CSRNP2: variants seen among roughly 807,000 people sequenced by gnomAD.
CSRNP2 encodes cysteine/serine-rich nuclear protein 2.
A neutral mutation model predicts 36.6 loss-of-function variants in CSRNP2; 11 were observed. The ratio of observed to expected loss-of-function variants is 0.30; its 90% CI spans 0.19 to 0.50. The LOEUF is 0.50. Among genes scored for constraint, CSRNP2 ranks in the 20% least tolerant of loss-of-function variants. The pLI, the probability that CSRNP2 is intolerant of heterozygous loss-of-function variation, is 0.98. For missense variants in CSRNP2, 483 were observed against 691.4 expected, an observed-to-expected ratio of 0.70 and a Z score of 3.38; for synonymous variants, 248 against 275.3, an observed-to-expected ratio of 0.90 and a Z score of 0.98.
chr12:51,072,630 C>A (rs1939222947), intron 3 of CSRNP2, among the ~76,000 whole-genome samples: 1 of 31,978 alleles, frequency 3.1e-5, no homozygotes. Flanking sequence ...GGGTCTTTTC[C>A]CAGCCTCTCT....
chr12:51,072,772 G>A (rs1257616103), intron 3 of CSRNP2, among the ~76,000 whole-genome samples: 1 of 152,144 alleles, frequency 6.6e-6, no homozygotes, highest in Non-Finnish European at 1.5e-5. Flanking sequence ...GAAACAGCAG[G>A]ATCCTTTCAG....
At chr12:51,070,366 C>G (rs1448133858) in intron 3 of CSRNP2, among the ~76,000 whole-genome samples, 1 of 152,150 alleles carries the variant, frequency 6.6e-6, no homozygotes, top group African/African-American at 2.4e-5. Context: ...GATTTCGGTA[C>G]TAGGCAGGCC....
At position 51,067,546 on chromosome 12, in the gene CSRNP2, G is replaced by A; in HGVS notation, c.708+127C>T. On this transcript the variant is annotated intron_variant, in intron 4 of 4. Transcript: ENST00000228515. This position sits in a 1 kb window ranked among gnomAD's most constrained non-coding sequence, Gnocchi z 4.1. ...TACTCTGTTGACGGAGGAGGGTTGT[G>A]GAACTGGAGAGTGTTCACAACCATA... 1 of 854,462 alleles carries A rather than the reference G, an allele frequency of 1.2e-6. No individual in the cohort carries two copies. Among genetic ancestry groups the A allele is most frequent in the African/African-American group, 1.7e-5 (1 of 59,712 alleles). 52.9% of individuals were successfully genotyped at this position (854,462 alleles called of 1,614,324 possible).
At chr12:51,069,817 C>T (rs374835273) in intron 3 of CSRNP2, among the ~76,000 whole-genome samples, 5 of 151,688 alleles carry the variant, frequency 3.3e-5, no homozygotes, top group East Asian at 1.9e-4. Context: ...CTTAGCCTCC[C>T]GAGTAGTTGG....
chr12:51,081,849 CAA>C (rs1491499738), intron 1 of CSRNP2, among the ~76,000 whole-genome samples: 21 of 150,762 alleles, frequency 1.4e-4, no homozygotes, highest in Middle Eastern at 3.2e-3. Context: ...ACAACAACAA[CAA>C]AAAAAAACAG....
In CSRNP2 at chr12:51,064,587, C is replaced by T. The variant is rs1173568687; in HGVS notation, c.791G>A (p.Arg264Gln). ...MAGRIEFNPI[R>Q]VRTHYLHTIM... The stretch of plus-strand genomic sequence containing the variant: ...GGTGTGGAGGTAATGAGTCCGGACC[C>T]GGATTGGATTAAATTCAATGCGTCC... The change falls in exon 5 of 5, where the codon CGG becomes CAG. Residue 264 changes from arginine to glutamine, a missense_variant. Physicochemically the swap from Arg to Gln is conservative, Grantham distance 43. Coordinates refer to ENST00000228515, the MANE Select transcript of CSRNP2 (RefSeq NM_030809.3). The T allele has an allele frequency of 1.9e-6, 3 of 1,599,382 alleles. No individual in the cohort carries two copies. The highest frequency in any genetic ancestry group is 2.2e-5 in the East Asian group (1 of 44,760).
intron 3 of CSRNP2, 139 bp from the exon 4 acceptor site, chr12:51,068,108 T>G: frequency 1.4e-6 from 1 of 716,444 alleles, no homozygotes; most frequent in Non-Finnish European, 2.3e-6. Flanking sequence ...TGGCAGCTAC[T>G]AGCACATGTG....
intron 2 of CSRNP2, among the ~76,000 whole-genome samples, chr12:51,075,106 ATTTC>A (rs929221675): frequency 2.6e-5 from 4 of 151,302 alleles, no homozygotes; most frequent in Non-Finnish European, 4.4e-5. Context: ...TACTAACCAT[ATTTC>A]TTTATTTTCT....
intron 4 of CSRNP2, among the ~76,000 whole-genome samples, chr12:51,066,146 CCT>C (rs777105412): frequency 2.0e-5 from 3 of 151,988 alleles, no homozygotes; most frequent in Non-Finnish European, 2.9e-5. Flanking sequence ...ATGATGAAAC[CCT>C]GTCTCTACTA....
At position 51,063,766 on chromosome 12, in the gene CSRNP2, CT is replaced by C. The variant is rs1937807864; in HGVS notation, c.1611del (p.Glu538AsnfsTer10). The C allele has an allele frequency of 6.4e-7, 1 of 1,571,674 alleles. No homozygotes were observed. The highest frequency in any genetic ancestry group is 1.4e-5 in the African/African-American group (1 of 73,404). On this transcript the variant is annotated frameshift_variant, in exon 5 of 5. Coordinates refer to ENST00000228515, the MANE Select transcript of CSRNP2 (RefSeq NM_030809.3). LOFTEE classifies it high-confidence loss of function. ...GCCTGTCACACTGCCAGAGGGAGTT[CT>C]AAGGAAGAATCTTCAGGGGGCCGAT... The part of the protein sequence containing the change: ...NEDRPPEDSS[L>X]ELPLAV
At chr12:51,074,279 A>G (rs182311877) in intron 2 of CSRNP2, among the ~76,000 whole-genome samples, 197 bp from the exon 3 acceptor site, 25 of 152,166 alleles carry the variant, frequency 1.6e-4, no homozygotes, top group African/African-American at 5.5e-4. Context: ...CACCACGCCC[A>G]GCTAATTTTT....
chr12:51,072,826 G>A (rs1939240538), intron 3 of CSRNP2, among the ~76,000 whole-genome samples: 1 of 152,136 alleles, frequency 6.6e-6, no homozygotes, highest in South Asian at 2.1e-4. Flanking sequence ...TCCGGCCAAG[G>A]GACAATTATT....
In CSRNP2 at chr12:51,064,033, G is replaced by T; in HGVS notation, c.1345C>A (p.Leu449Met). 1.2e-6 allele frequency: 2 copies of T among 1,614,254 alleles called. No individual in the cohort carries two copies. The highest frequency in any genetic ancestry group is 1.7e-6 in the Non-Finnish European group (2 of 1,180,046). ...GTAACAGGGAGAGAGAAGACATTCA[G>T]ATCCTTCTCCTTTGGGAAAGAGGCT... ...GSASFPKEKD[L>M]NVFSLPVTSL... Residue 449 changes from leucine to methionine, a missense_variant, in exon 5 of 5, where the codon CTG becomes ATG. Coordinates refer to ENST00000228515, the MANE Select transcript of CSRNP2 (RefSeq NM_030809.3).
intron 1 of CSRNP2, chr12:51,081,637 G>A (rs1939646219): frequency 6.6e-6 from 1 of 152,244 alleles, no homozygotes; most frequent in Non-Finnish European, 1.5e-5. Context: ...CTGGCTACAT[G>A]TCTAATGGTC....
At chr12:51,075,702 A>T (rs890796557) in intron 2 of CSRNP2, among the ~76,000 whole-genome samples, 27 of 152,360 alleles carry the variant, frequency 1.8e-4, no homozygotes, top group African/African-American at 6.3e-4. Flanking sequence ...GCCCATGGGC[A>T]ACCCCTCATA....
chr12:51,068,960 G>T (rs1055443868), intron 3 of CSRNP2, among the ~76,000 whole-genome samples: 8 of 152,108 alleles, frequency 5.3e-5, no homozygotes, highest in East Asian at 3.9e-4. Context: ...GAGAAAAAAT[G>T]TATTTCTTCT....
chr12:51,083,490 A>T lies in CSRNP2; in HGVS notation c.-238T>A, dbSNP rs532662577. On this transcript the variant is annotated 5_prime_UTR_variant, in exon 1 of 5. Transcript: ENST00000228515. Reference sequence around the variant, plus strand: ...TCCCAGGGCGGCAGGGCGGGGAGGGAGGGCGGTGGGCAGCCCAGCCGGCAG... The same window carrying T: ...TCCCAGGGCGGCAGGGCGGGGAGGGTGGGCGGTGGGCAGCCCAGCCGGCAG... The T allele has an allele frequency of 6.6e-6, 1 of 152,276 alleles. No homozygotes were observed. The highest frequency in any genetic ancestry group is 2.4e-5 in the African/African-American group (1 of 41,554). 9.4% of individuals were successfully genotyped at this position (152,276 alleles called of 1,614,324 possible). A position where few individuals can be genotyped will look rare whatever the true frequency, so the allele number is the denominator to read the frequency against.
chr12:51,061,873 A>G lies in CSRNP2; in HGVS notation c.*1873T>C, dbSNP rs1370967553. 2 of 152,154 alleles carry G rather than the reference A, an allele frequency of 1.3e-5. No homozygotes were observed. The highest frequency in any genetic ancestry group is 2.9e-5 in the Non-Finnish European group (2 of 68,038). 9.4% of individuals were successfully genotyped at this position (152,154 alleles called of 1,614,324 possible). On this transcript the variant is annotated 3_prime_UTR_variant, in exon 5 of 5. Transcript: ENST00000228515. ...AAGATTCTTTTCTCCATAAAGCCAA[A>G]TTCCCAATTAAGCTTCAGTCCTGTG...
intron 1 of CSRNP2, among the ~76,000 whole-genome samples, chr12:51,081,149 A>G (rs1417722729): frequency 6.6e-6 from 1 of 152,010 alleles, no homozygotes; most frequent in Non-Finnish European, 1.5e-5. Context: ...CTAGCTGGGC[A>G]TGGTGGTGTG....
Sources: gnomAD v4.1 joint callset for allele counts (sites outside exome capture counted in the v4.1 genomes callset) on GRCh38, gnomAD v4.1.1 for gene constraint, Gnocchi (gnomAD v3.1) non-coding constraint, MANE v1.5 for transcripts, NCBI Gene and HGNC (gene_info 2026-07-23, HGNC 2026-07-21) for gene names.